Variants in NFS1 observed in about 807,000 individuals in gnomAD.
NFS1 encodes the protein NFS1 cysteine desulfurase.
Under a neutral mutation model 57.3 loss-of-function variants are expected in NFS1, and 26 were observed. The ratio of observed to expected loss-of-function variants is 0.45; its 90% CI spans 0.33 to 0.63. The LOEUF (loss-of-function observed/expected upper bound fraction) is 0.63. Among genes scored for constraint, NFS1 ranks in the 20% least tolerant of loss-of-function variants. The pLI is 0.02. For missense variants in NFS1, 505 were observed against 605.8 expected (o/e 0.83, Z 1.75); for synonymous variants, 209 against 216.3 (o/e 0.97, Z 0.30).
chr20:35,670,171 G>A (rs978052607), intron 12 of NFS1, among the ~76,000 whole-genome samples: 2 of 152,154 alleles, frequency 1.3e-5, no homozygotes, highest in African/African-American at 4.8e-5. Context: ...CCCAGTTAGG[G>A]GTGGAACTTA....
intron 7 of NFS1, 146 bp from the exon 8 acceptor site, chr20:35,675,348 A>C: frequency 6.4e-6 from 5 of 787,042 alleles, no homozygotes; most frequent in Non-Finnish European, 8.0e-6. Flanking sequence ...GAAAAGAAGA[A>C]ACAGCAGTAA....
intron 5 of NFS1, among the ~76,000 whole-genome samples, chr20:35,689,407 G>A (rs1331042104): frequency 6.6e-6 from 1 of 151,214 alleles, no homozygotes; most frequent in Non-Finnish European, 1.5e-5. Flanking sequence ...GGTGGATCAC[G>A]AGGTCAGGAG....
chr20:35,680,422 A>G (rs1302745178), intron 7 of NFS1, among the ~76,000 whole-genome samples: 1 of 152,256 alleles, frequency 6.6e-6, no homozygotes, highest in Non-Finnish European at 1.5e-5. Flanking sequence ...TAGTGGGGAA[A>G]ACAAGATAGC....
In NFS1 at chr20:35,696,484, T is replaced by C. The variant is rs779467986; in HGVS notation, c.325-24A>G. On this transcript the variant is annotated intron_variant, in intron 3 of 12. Transcript: ENST00000374092. Reference sequence around the variant, plus strand: ...TGCTGCAAGCCAAGAAACAGAGATATATAACATCAGTTCCCCAGGCAGAAA... The same window carrying C: ...TGCTGCAAGCCAAGAAACAGAGATACATAACATCAGTTCCCCAGGCAGAAA... 6.9e-6 allele frequency: 11 copies of C among 1,585,320 alleles called. No homozygotes were observed. The South Asian group carries it at 1.1e-4, about 16-fold the overall frequency.
At chr20:35,688,171 C>T (rs1370004356) in intron 5 of NFS1, among the ~76,000 whole-genome samples, 1 of 152,022 alleles carries the variant, frequency 6.6e-6, no homozygotes, top group Non-Finnish European at 1.5e-5. Context: ...ATCACTTGAA[C>T]CCGGGAGGCA....
chr20:35,686,752 G>A (rs963582067), intron 5 of NFS1, among the ~76,000 whole-genome samples: 4 of 152,094 alleles, frequency 2.6e-5, no homozygotes, highest in African/African-American at 7.2e-5. Context: ...AGGTGCCGAG[G>A]CAAGAGACCA....
chr20:35,681,918 T>C lies in NFS1; in HGVS notation c.625A>G (p.Ile209Val). The change falls in exon 6 of 13, where the codon ATT becomes GTT. Residue 209 changes from isoleucine (I) to valine (V), a missense_variant. Physicochemically the swap from Ile to Val is conservative, Grantham distance 29. Transcript: ENST00000374092. ...LVSVMTVNNE[I>V]GVKQPIAEIG... is the part of the protein sequence containing the mutation. ...TCTGCAATAGGCTGCTTCACTCCAA[T>C]CTCATTGTTCACAGTCATGACTGAC... The C allele has an allele frequency of 1.2e-6, 2 of 1,612,836 alleles. No homozygotes were observed. Among genetic ancestry groups the C allele is most frequent in the Non-Finnish European group, 1.7e-6 (2 of 1,178,918 alleles).
At chr20:35,683,957 T>C (rs1269946619) in intron 5 of NFS1, among the ~76,000 whole-genome samples, 5 of 148,234 alleles carry the variant, frequency 3.4e-5, no homozygotes, top group Admixed American at 6.8e-5. Flanking sequence ...CTACTAAAAA[T>C]ACAAAAATAC....
At chr20:35,682,011 A>G in intron 5 of NFS1, 30 bp from the exon 6 acceptor site, 1 of 1,349,898 alleles carries the variant, frequency 7.4e-7, no homozygotes, top group Middle Eastern at 1.8e-4. Context: ...AGGTGACTAG[A>G]TAGTACAAAC....
intron 12 of NFS1, 97 bp downstream of exon 12, chr20:35,672,658 G>T: frequency 1.2e-6 from 1 of 802,794 alleles, no homozygotes; most frequent in South Asian, 1.4e-5. Flanking sequence ...AAGTACGCTT[G>T]AACTTTGGTT....
chr20:35,687,773 C>G (rs980663524), intron 5 of NFS1, among the ~76,000 whole-genome samples: 1 of 152,172 alleles, frequency 6.6e-6, no homozygotes, highest in Non-Finnish European at 1.5e-5. Context: ...AGTCCAGAGG[C>G]AGCTAAGATG....
rs564943979 is a variant in NFS1 at position 35,683,827 on chromosome 20, G to GCTGGGTATGGTGGCTCACAC, written c.562-1866_562-1847dup. 4.8e-3 allele frequency among the ~76,000 whole-genome samples: 726 copies of GCTGGGTATGGTGGCTCACAC among 149,996 alleles called. 13 individuals carry two copies. Among genetic ancestry groups the GCTGGGTATGGTGGCTCACAC allele is most frequent in the African/African-American group, 0.017 (687 of 40,640 alleles). ...AAAAAAAAAAAGAAAGAAAGAAATT[G>GCTGGGTATGGTGGCTCACAC]CTGGGTATGGTGGCTCACACCTGGG... On this transcript the variant is annotated intron_variant, in intron 5 of 12. Coordinates refer to ENST00000374092, the MANE Select transcript of NFS1 (RefSeq NM_021100.5).
intron 5 of NFS1, among the ~76,000 whole-genome samples, chr20:35,689,496 C>T (rs973268914): frequency 6.7e-6 from 1 of 149,906 alleles, no homozygotes; most frequent in South Asian, 2.1e-4. Context: ...TGGCCGGGCA[C>T]GGTGGCTCAC....
chr20:35,699,090 G>T lies in NFS1; in HGVS notation c.97+102C>A, dbSNP rs2035196553. 1 of 1,349,678 alleles carries T rather than the reference G, an allele frequency of 7.4e-7. No individual in the cohort carries two copies. The highest frequency in any genetic ancestry group is 3.8e-5 in the Admixed American group (1 of 26,320). 83.6% of individuals were successfully genotyped at this position (1,349,678 alleles called of 1,614,324 possible). A position where few individuals can be genotyped will look rare whatever the true frequency, so the allele number is the denominator to read the frequency against. On this transcript the variant is annotated intron_variant, in intron 1 of 12. Transcript: ENST00000374092. This position sits in a 1 kb window ranked among gnomAD's most constrained non-coding sequence, Gnocchi z 4.4. ...TGTCATTTGAGAGAAGGGTCAGAGGGTCTGGGCAGCAGGGTGGACAGGAAG... is the reference window on the plus strand; with the variant it reads ...TGTCATTTGAGAGAAGGGTCAGAGGTTCTGGGCAGCAGGGTGGACAGGAAG...
rs2035196479 is a variant in NFS1, at chr20:35,699,089, G to T, written c.97+103C>A. The T allele has an allele frequency of 1.5e-6, 2 of 1,348,418 alleles. No individual in the cohort carries two copies. Among genetic ancestry groups the T allele is most frequent in the Non-Finnish European group, 1.9e-6 (2 of 1,054,838 alleles). 83.5% of individuals were successfully genotyped at this position (1,348,418 alleles called of 1,614,324 possible). A position where few individuals can be genotyped will look rare whatever the true frequency, so the allele number is the denominator to read the frequency against. ...GTGTCATTTGAGAGAAGGGTCAGAG[G>T]GTCTGGGCAGCAGGGTGGACAGGAA... On this transcript the variant is annotated intron_variant, in intron 1 of 12. Transcript: ENST00000374092. This position sits in a 1 kb window ranked among gnomAD's most constrained non-coding sequence, Gnocchi z 4.4.
chr20:35,696,276 G>A, intron 4 of NFS1, 101 bp downstream of exon 4: 1 of 795,892 alleles, frequency 1.3e-6, no homozygotes, highest in Admixed American at 1.8e-5. Context: ...ATGGGGTGGG[G>A]ATGGATGGCT....
In NFS1 at chr20:35,699,304, G is replaced by A. The variant is rs1018163601; in HGVS notation, c.-16C>T. ...GGAGCAGCATGGTCCCGCTGGCAGA[G>A]CCCACCTTCCGAAGCCGCTGCAGTC... On this transcript the variant is annotated 5_prime_UTR_variant, in exon 1 of 13. Transcript: ENST00000374092. The surrounding 1 kb of genome is among the most constrained non-coding windows in gnomAD (Gnocchi z 4.4). The A allele has an allele frequency of 9.3e-6, 13 of 1,398,192 alleles. No individual in the cohort carries two copies. Among genetic ancestry groups the A allele is most frequent in the Non-Finnish European group, 1.2e-5 (13 of 1,083,812 alleles). 86.6% of individuals were successfully genotyped at this position (1,398,192 alleles called of 1,614,324 possible).
At chr20:35,698,394 C>T (rs2035177908) in intron 2 of NFS1, 87 bp downstream of exon 2, 3 of 1,069,530 alleles carry the variant, frequency 2.8e-6, no homozygotes, top group Non-Finnish European at 4.1e-6. Flanking sequence ...ACGGCTCTCA[C>T]TTCTCCAGGG....
rs1006277970 is a variant in NFS1 at position 35,678,782 on chromosome 20, C to T, written c.790+1955G>A. Among the ~76,000 whole-genome samples the T allele has an allele frequency of 5.9e-5, 9 of 152,008 alleles. No homozygotes were observed. In the South Asian group the frequency reaches 6.2e-4, roughly 11 times the overall value. The stretch of plus-strand genomic sequence containing the variant: ...GCTGGGGTAGGAGGGTTGCTTGAGC[C>T]CAGGAGATTGAAGCTGTGGCAAGGT... On this transcript the variant is annotated intron_variant, in intron 7 of 12. Transcript: ENST00000374092.
Sources: allele counts gnomAD v4.1 joint callset (sites outside exome capture counted in the v4.1 genomes callset), GRCh38; gene constraint gnomAD v4.1.1; non-coding constraint Gnocchi (gnomAD v3.1); transcripts MANE v1.5; gene names NCBI Gene and HGNC (gene_info 2026-07-23, HGNC 2026-07-21).